IQSEC1: variants seen among roughly 807,000 people sequenced by gnomAD.
The protein encoded by IQSEC1 is IQ motif and Sec7 domain ArfGEF 1, also known as IQ motif and SEC7 domain-containing protein 1.
Under a neutral mutation model 91.0 loss-of-function variants are expected in IQSEC1, and 31 were observed. The ratio of observed to expected loss-of-function variants is 0.34; its 90% CI spans 0.26 to 0.46. The LOEUF is 0.46. Among genes scored for constraint, IQSEC1 ranks in the 20% least tolerant of loss-of-function variants. The pLI, the probability that IQSEC1 is intolerant of heterozygous loss-of-function variation, is 1.00. For synonymous variants in IQSEC1, 699 were observed against 662.6 expected (o/e 1.05, Z -0.84); for missense variants, 1,388 against 1,575.6 (o/e 0.88, Z 2.02).
intron 1 of IQSEC1, among the ~76,000 whole-genome samples, chr3:13,061,692 G>A (rs360760): frequency 0.42 from 63,606 of 152,076 alleles, 14,330 homozygotes; most frequent in East Asian, 0.67. Context: ...CTGGGCCTCT[G>A]CACACTACTG....
intron 1 of IQSEC1, among the ~76,000 whole-genome samples, chr3:13,062,600 C>T (rs1466818854): frequency 6.6e-6 from 1 of 152,120 alleles, no homozygotes; most frequent in Non-Finnish European, 1.5e-5. Context: ...GAGAGCTCCT[C>T]TGAGGTGGCC....
intron 2 of IQSEC1, among the ~76,000 whole-genome samples, chr3:13,087,663 T>C (rs1258791078): frequency 2.6e-5 from 4 of 152,236 alleles, no homozygotes; most frequent in Non-Finnish European, 5.9e-5. Context: ...CCAGGATCAC[T>C]TGCTGTCTTC....
intron 1 of IQSEC1, among the ~76,000 whole-genome samples, chr3:12,981,519 C>G (rs1701460766): frequency 6.6e-6 from 1 of 152,178 alleles, no homozygotes; most frequent in African/African-American, 2.4e-5. Flanking sequence ...CGTTCCCTTT[C>G]ACTCCCCAAG....
intron 1 of IQSEC1, among the ~76,000 whole-genome samples, chr3:12,957,665 A>G (rs981470275): frequency 6.6e-6 from 1 of 152,218 alleles, no homozygotes; most frequent in African/African-American, 2.4e-5. Flanking sequence ...CATCGCGCAG[A>G]AGGCCTTCCT....
intron 1 of IQSEC1, among the ~76,000 whole-genome samples, chr3:13,048,269 C>G (rs1428146418): frequency 6.6e-6 from 1 of 152,220 alleles, no homozygotes; most frequent in Non-Finnish European, 1.5e-5. Context: ...TGCCTGGCAG[C>G]ACACCTCACA....
chr3:12,900,898 G>C lies in IQSEC1; in HGVS notation c.*85C>G. 1 of 1,535,858 alleles carries C rather than the reference G, an allele frequency of 6.5e-7. No homozygotes were observed. The highest frequency in any genetic ancestry group is 8.7e-7 in the Non-Finnish European group (1 of 1,146,488). The stretch of plus-strand genomic sequence containing the variant: ...AGAGATGGCAACAGAAGTGCCCCGG[G>C]TTTGGTGTGCGGCTGGCGACCCCCG... On this transcript the variant is annotated 3_prime_UTR_variant, in exon 14 of 14. Coordinates refer to ENST00000613206, the MANE Select transcript of IQSEC1 (RefSeq NM_001134382.3).
chr3:13,036,160 C>T (rs766674207), intron 1 of IQSEC1, among the ~76,000 whole-genome samples: 2 of 152,072 alleles, frequency 1.3e-5, no homozygotes, highest in African/African-American at 2.4e-5. Flanking sequence ...TGTGTTACAC[C>T]GTCATAACAA....
At chr3:12,946,814 A>T (rs1433431691) in intron 1 of IQSEC1, among the ~76,000 whole-genome samples, 3 of 152,234 alleles carry the variant, frequency 2.0e-5, no homozygotes, top group African/African-American at 7.2e-5. Flanking sequence ...CAGTTCTCAG[A>T]CACAGCAGAA....
intron 2 of IQSEC1, among the ~76,000 whole-genome samples, chr3:13,106,321 C>A (rs1052593889): frequency 6.6e-6 from 1 of 152,220 alleles, no homozygotes; most frequent in African/African-American, 2.4e-5. Context: ...CAGGCCTCAG[C>A]CACTGCCTGC....
chr3:12,952,964 G>A (rs1028525819), intron 1 of IQSEC1, among the ~76,000 whole-genome samples: 7 of 152,214 alleles, frequency 4.6e-5, no homozygotes, highest in South Asian at 2.1e-4. Context: ...GGAAGAGGTC[G>A]GGCTCGTGGG....
At chr3:12,911,504 G>A (rs1695552374) in intron 10 of IQSEC1, 125 bp downstream of exon 10, 1 of 728,936 alleles carries the variant, frequency 1.4e-6, no homozygotes, top group South Asian at 1.6e-5. Flanking sequence ...GCTGCAATCT[G>A]CTCTCTGGGG....
At chr3:13,070,339 G>T (rs1360263557) in intron 1 of IQSEC1, among the ~76,000 whole-genome samples, 1 of 152,230 alleles carries the variant, frequency 6.6e-6, no homozygotes, top group Non-Finnish European at 1.5e-5. Context: ...ACAGCAGTTG[G>T]TGAGACCCCA....
chr3:12,993,292 C>T (rs529913509), intron 1 of IQSEC1, among the ~76,000 whole-genome samples: 9 of 152,316 alleles, frequency 5.9e-5, no homozygotes, highest in East Asian at 3.9e-4. Flanking sequence ...GAGGCAGGGA[C>T]AGGGCCAGGT....
intron 1 of IQSEC1, among the ~76,000 whole-genome samples, chr3:13,064,260 C>A (rs1312225884): frequency 6.6e-6 from 1 of 152,174 alleles, no homozygotes; most frequent in African/African-American, 2.4e-5. Flanking sequence ...ACAATAGCTC[C>A]ATTACCACAA....
chr3:13,012,540 C>T (rs975835792), intron 1 of IQSEC1, among the ~76,000 whole-genome samples: 13 of 152,214 alleles, frequency 8.5e-5, no homozygotes, highest in African/African-American at 3.1e-4. Flanking sequence ...ATGTGTTGCT[C>T]ACCACAGCCT....
chr3:13,137,440 C>A (rs1166002121), intron 2 of IQSEC1, among the ~76,000 whole-genome samples: 1 of 152,174 alleles, frequency 6.6e-6, no homozygotes, highest in Non-Finnish European at 1.5e-5. Context: ...TAGAAGGCTG[C>A]GTATGGTACA....
At chr3:13,146,384 C>T (rs867919073) in intron 2 of IQSEC1, among the ~76,000 whole-genome samples, 2 of 152,192 alleles carry the variant, frequency 1.3e-5, no homozygotes, top group African/African-American at 4.8e-5. Context: ...TTTCTGGTGC[C>T]TCCGCACCCT....
At chr3:12,930,285 A>C (rs1334061760) in intron 3 of IQSEC1, among the ~76,000 whole-genome samples, 1 of 152,192 alleles carries the variant, frequency 6.6e-6, no homozygotes, top group Non-Finnish European at 1.5e-5. Flanking sequence ...AGCAGCTGGG[A>C]CCACAGGCAT....
intron 1 of IQSEC1, among the ~76,000 whole-genome samples, chr3:13,217,066 A>T (rs1173106654): frequency 6.6e-6 from 1 of 152,122 alleles, no homozygotes; most frequent in East Asian, 1.9e-4. Flanking sequence ...ATGACAAAAG[A>T]TGATTTTGAT....
Sources: allele counts gnomAD v4.1 joint callset (sites outside exome capture counted in the v4.1 genomes callset), GRCh38; gene constraint gnomAD v4.1.1; transcripts MANE v1.5; gene names NCBI Gene and HGNC (gene_info 2026-07-23, HGNC 2026-07-21).